The following COL24A1 variants were observed in gnomAD, a reference collection of about 807,000 sequenced individuals.
The protein encoded by COL24A1 is collagen type XXIV alpha 1 chain.
COL24A1 carries 224 observed loss-of-function variants against 253.9 expected under a neutral mutation model. The observed-to-expected ratio is 0.88, with a 90% CI of 0.79 to 0.99. The LOEUF (loss-of-function observed/expected upper bound fraction) is 0.99, where lower values mean the gene tolerates loss of function less well. Among genes scored for constraint, COL24A1 ranks in the 50% least tolerant of loss-of-function variants. The pLI, the probability that COL24A1 is intolerant of heterozygous loss-of-function variation, is 0.00. For synonymous variants in COL24A1, 685 were observed against 673.7 expected, an observed-to-expected ratio of 1.02 and a Z score of -0.26; for missense variants, 2,131 against 2,068.5, an observed-to-expected ratio of 1.03 and a Z score of -0.59.
intron 24 of COL24A1, among the ~76,000 whole-genome samples, chr1:85,926,082 C>T (rs899331470): frequency 6.6e-6 from 1 of 152,190 alleles, no homozygotes; most frequent in Non-Finnish European, 1.5e-5. Context: ...AAATGCTCAT[C>T]ATCACTGGCC....
chr1:86,083,815 T>C (rs12736520), intron 7 of COL24A1, among the ~76,000 whole-genome samples: 19,935 of 152,182 alleles, frequency 0.13, 1,415 homozygotes, highest in Middle Eastern at 0.15. Context: ...TCATAATATG[T>C]GCTTGTTACA....
intron 45 of COL24A1, among the ~76,000 whole-genome samples, chr1:85,820,950 G>T (rs1048230438): frequency 1.3e-5 from 2 of 152,162 alleles, no homozygotes; most frequent in Non-Finnish European, 2.9e-5. Context: ...TGAGGCTGAA[G>T]GACAGTTATC....
At position 86,012,058 on chromosome 1, in the gene COL24A1, A is replaced by G. The variant is rs958591045; in HGVS notation, c.2310+5093T>C. 3.3e-5 allele frequency among the ~76,000 whole-genome samples: 5 copies of G among 152,074 alleles called. No individual in the cohort carries two copies. The East Asian group carries it at 9.7e-4, about 29-fold the overall frequency. On this transcript the variant is annotated intron_variant, in intron 19 of 59. Transcript: ENST00000370571. ...GGTCTTGAACTCCTAGGCTCAAGCA[A>G]TCTTCTCATTGTAGCCACCCAAAGT...
intron 32 of COL24A1, among the ~76,000 whole-genome samples, chr1:85,885,832 T>A (rs917018238): frequency 1.3e-5 from 2 of 152,158 alleles, no homozygotes; most frequent in Admixed American, 6.6e-5. Context: ...GCAAATGTCC[T>A]TTGGGCAAGG....
intron 28 of COL24A1, among the ~76,000 whole-genome samples, chr1:85,900,379 C>T (rs1361523949): frequency 6.6e-6 from 1 of 152,110 alleles, no homozygotes; most frequent in Non-Finnish European, 1.5e-5. Flanking sequence ...GTGGCTCATA[C>T]CTGTAATCCA....
chr1:85,793,773 A>G (rs959151106), intron 47 of COL24A1, among the ~76,000 whole-genome samples: 1 of 152,176 alleles, frequency 6.6e-6, no homozygotes, highest in Non-Finnish European at 1.5e-5. Flanking sequence ...AATGATAGTC[A>G]TCTGAGACTT....
At chr1:86,051,720 AG>A (rs1374170624) in intron 10 of COL24A1, among the ~76,000 whole-genome samples, 1 of 152,156 alleles carries the variant, frequency 6.6e-6, no homozygotes, top group African/African-American at 2.4e-5. Context: ...CTTGGATTAC[AG>A]TGGGTCACAT....
intron 38 of COL24A1, among the ~76,000 whole-genome samples, chr1:85,848,816 G>A (rs1677428064): frequency 6.6e-6 from 1 of 152,094 alleles, no homozygotes; most frequent in Non-Finnish European, 1.5e-5. Context: ...AGGGGTGCAG[G>A]TTGTTATTAT....
chr1:85,969,752 C>G (rs1055868490), intron 22 of COL24A1, among the ~76,000 whole-genome samples: 3 of 148,956 alleles, frequency 2.0e-5, no homozygotes, highest in African/African-American at 7.4e-5. Flanking sequence ...ATAAGGTAAA[C>G]TTTGATCATG....
chr1:85,979,316 C>A lies in COL24A1; in HGVS notation c.2365-7923G>T, dbSNP rs534142275. The stretch of plus-strand genomic sequence containing the variant: ...AAGAACAAATAAAACCCAAACCCAG[C>A]AGAATATAAAATAAATAATAAAGAT... On this transcript the variant is annotated intron_variant, in intron 20 of 59. Coordinates refer to ENST00000370571, the MANE Select transcript of COL24A1 (RefSeq NM_152890.7). Among the ~76,000 whole-genome samples, 7 of 151,868 alleles carry A rather than the reference C, an allele frequency of 4.6e-5. No individual in the cohort carries two copies. The East Asian group carries it at 9.7e-4, about 21-fold the overall frequency.
chr1:86,156,479 T>C lies in COL24A1; in HGVS notation c.-83A>G, dbSNP rs1653639898. ...CTGCTTAGGGTGCAGGTACTGTCCATGAAAAAGGGAAAAAACAATCACATG... is the reference window on the plus strand; with the variant it reads ...CTGCTTAGGGTGCAGGTACTGTCCACGAAAAAGGGAAAAAACAATCACATG... On this transcript the variant is annotated 5_prime_UTR_variant, in exon 1 of 60. The change abolishes an upstream ATG in the 5' untranslated region. Coordinates refer to ENST00000370571, the MANE Select transcript of COL24A1 (RefSeq NM_152890.7). The C allele has an allele frequency of 2.4e-6, 3 of 1,235,062 alleles. No individual in the cohort carries two copies. The highest frequency in any genetic ancestry group is 3.1e-5 in the African/African-American group (2 of 63,788). 76.5% of individuals were successfully genotyped at this position (1,235,062 alleles called of 1,614,324 possible).
chr1:85,906,765 G>T (rs2102892254), intron 28 of COL24A1, among the ~76,000 whole-genome samples: 1 of 151,884 alleles, frequency 6.6e-6, no homozygotes, highest in South Asian at 2.1e-4. Flanking sequence ...TAATAACTTT[G>T]ATTTACAATT....
intron 24 of COL24A1, among the ~76,000 whole-genome samples, chr1:85,918,922 G>A (rs1211260333): frequency 2.0e-5 from 3 of 152,212 alleles, no homozygotes; most frequent in Non-Finnish European, 4.4e-5. Context: ...TGCTACTGAT[G>A]TCAGACTTGG....
At chr1:86,036,343 C>A (rs1004744493) in intron 12 of COL24A1, among the ~76,000 whole-genome samples, 4 of 152,014 alleles carry the variant, frequency 2.6e-5, no homozygotes, top group African/African-American at 4.8e-5. Context: ...CATTTTAATT[C>A]TCTATTCTTG....
Position 85,853,348 on chromosome 1 carries a change from C to CT in COL24A1, c.3301-3943dup, listed in dbSNP as rs952272553. On this transcript the variant is annotated intron_variant, in intron 37 of 59. Coordinates refer to ENST00000370571, the MANE Select transcript of COL24A1 (RefSeq NM_152890.7). ...AGGATTCCATGGTGTATACATACCA[C>CT]TTTTTTTTTTATCCAGTCCACTGTT... Among the ~76,000 whole-genome samples the CT allele has an allele frequency of 6.3e-4, 94 of 149,238 alleles. 1 individual carries two copies. The highest frequency in any genetic ancestry group is 1.1e-3 in the South Asian group (5 of 4,694).
intron 43 of COL24A1, among the ~76,000 whole-genome samples, chr1:85,832,232 G>T (rs1558307278): frequency 6.6e-6 from 1 of 152,020 alleles, no homozygotes; most frequent in African/African-American, 2.4e-5. Flanking sequence ...AGATCAGATG[G>T]TTGTAGATAT....
Position 86,124,868 on chromosome 1 carries a change from G to A in COL24A1, c.1468C>T (p.Pro490Ser). 3 of 1,566,030 alleles carry A rather than the reference G, an allele frequency of 1.9e-6. No individual in the cohort carries two copies. The highest frequency in any genetic ancestry group is 2.6e-6 in the Non-Finnish European group (3 of 1,163,902). Residue 490 changes from proline (P) to serine (S), a missense_variant, in exon 3 of 60, where the codon CCA becomes TCA. By Grantham distance (74) the Pro-to-Ser change is moderately conservative. Transcript: ENST00000370571. Reference sequence around the variant, plus strand: ...ACGGGAGGTCCAGTGTCTCCTTTTGGCCCTCTCAGATACTCCATTTCAAGC... The same window carrying A: ...ACGGGAGGTCCAGTGTCTCCTTTTGACCCTCTCAGATACTCCATTTCAAGC... Reference protein sequence around the residue: ...TMLEMEYLRGPKGDTGPPGPP... With the variant: ...TMLEMEYLRGSKGDTGPPGPP...
At chr1:86,111,092 G>C (rs901729868) in intron 5 of COL24A1, among the ~76,000 whole-genome samples, 1 of 151,664 alleles carries the variant, frequency 6.6e-6, no homozygotes, top group South Asian at 2.1e-4. Flanking sequence ...GTCTAGCTCC[G>C]GGTTTGCGGA....
At chr1:85,756,217 C>T (rs188996602) in intron 55 of COL24A1, among the ~76,000 whole-genome samples, 4 of 151,940 alleles carry the variant, frequency 2.6e-5, no homozygotes, top group South Asian at 2.1e-4. Flanking sequence ...GTCAGGAGTT[C>T]GAGACCAGCC....
Sources: gnomAD v4.1 joint callset for allele counts (sites outside exome capture counted in the v4.1 genomes callset) on GRCh38, gnomAD v4.1.1 for gene constraint, MANE v1.5 for transcripts, NCBI Gene and HGNC (gene_info 2026-07-23, HGNC 2026-07-21) for gene names.